Variants in LTBP1 observed in about 807,000 individuals in gnomAD.
LTBP1 encodes the protein latent-transforming growth factor beta-binding protein 1.
LTBP1 carries 129 observed loss-of-function variants against 207.6 expected under a neutral mutation model. The ratio of observed to expected loss-of-function variants is 0.62; its 90% confidence interval spans 0.54 to 0.72. LTBP1 has a LOEUF of 0.72. LTBP1 is among the 30% of genes least tolerant of loss of function. LTBP1 has a pLI of 0.00. For missense variants in LTBP1, 2,281 were observed against 2,217.2 expected (o/e 1.03, Z -0.58); for synonymous variants, 963 against 833.7 (o/e 1.16, Z -2.67).
chr2:33,181,918 A>T (rs990186855), intron 5 of LTBP1, among the ~76,000 whole-genome samples: 10 of 152,142 alleles, frequency 6.6e-5, no homozygotes, highest in Admixed American at 2.0e-4. Flanking sequence ...TGAATCCTAA[A>T]GTTTGTAGGT....
At chr2:33,061,536 A>G (rs1255915189) in intron 3 of LTBP1, 1 of 152,158 alleles carries the variant, frequency 6.6e-6, no homozygotes, top group East Asian at 1.9e-4. Flanking sequence ...TCACTATTCT[A>G]GAAACTTCAT....
rs147247787 is a variant in LTBP1 at position 33,204,384 on chromosome 2, A to C, written c.1702-13168A>C. ...ATTTGCCACCGTTGAGAATATTTAA[A>C]GTATGTCTCTAGCCTTGAAGAACAT... On this transcript the variant is annotated intron_variant, in intron 7 of 33. Coordinates refer to ENST00000404816, the MANE Select transcript of LTBP1 (RefSeq NM_206943.4). Among the ~76,000 whole-genome samples, 583 of 152,356 alleles carry C rather than the reference A, an allele frequency of 3.8e-3. 4 individuals are homozygous for C. The highest frequency in any genetic ancestry group is 0.014 in the African/African-American group (575 of 41,592).
chr2:33,273,157 G>C (rs548610315), intron 15 of LTBP1, among the ~76,000 whole-genome samples: 56 of 152,092 alleles, frequency 3.7e-4, no homozygotes, highest in Non-Finnish European at 7.5e-4. Context: ...GGTCTTTGGG[G>C]GGATTAATGA....
At chr2:33,232,236 G>A (rs1439951612) in intron 9 of LTBP1, among the ~76,000 whole-genome samples, 2 of 152,262 alleles carry the variant, frequency 1.3e-5, no homozygotes. Context: ...GGGGATTCTG[G>A]CTAAACTAAC....
At chr2:33,021,703 A>G (rs1294713509) in intron 3 of LTBP1, among the ~76,000 whole-genome samples, 1 of 152,162 alleles carries the variant, frequency 6.6e-6, no homozygotes, top group East Asian at 1.9e-4. Flanking sequence ...GGTTAAGTGT[A>G]CCTTCTGTTA....
intron 2 of LTBP1, among the ~76,000 whole-genome samples, chr2:32,952,863 A>G (rs1400247933): frequency 2.0e-5 from 3 of 152,164 alleles, no homozygotes; most frequent in Admixed American, 2.0e-4. Flanking sequence ...GGGAAGAGAG[A>G]TGATGGCAGA....
intron 2 of LTBP1, among the ~76,000 whole-genome samples, chr2:33,019,849 C>T (rs757087264): frequency 3.3e-5 from 5 of 150,736 alleles, no homozygotes; most frequent in Non-Finnish European, 4.4e-5. Flanking sequence ...ACTACAGGTG[C>T]GTGCCACCAT....
At chr2:33,227,420 A>G (rs2091502212) in intron 9 of LTBP1, among the ~76,000 whole-genome samples, 1 of 152,202 alleles carries the variant, frequency 6.6e-6, no homozygotes, top group Non-Finnish European at 1.5e-5. Context: ...GCAATCAGGA[A>G]TTTGACAGTT....
intron 2 of LTBP1, among the ~76,000 whole-genome samples, chr2:33,014,501 G>C (rs899804445): frequency 2.0e-5 from 3 of 152,204 alleles, no homozygotes; most frequent in African/African-American, 7.2e-5. Context: ...TGCTGTCTCT[G>C]ATCACAGAAG....
At chr2:33,189,669 G>A (rs530952638) in intron 7 of LTBP1, among the ~76,000 whole-genome samples, 1 of 152,278 alleles carries the variant, frequency 6.6e-6, no homozygotes, top group African/African-American at 2.4e-5. Context: ...TGAATTCATT[G>A]TGCAATAATA....
chr2:33,121,692 T>A (rs905839422), intron 4 of LTBP1, among the ~76,000 whole-genome samples: 1 of 152,174 alleles, frequency 6.6e-6, no homozygotes. Context: ...TACGGCGTAA[T>A]CCTCCCCCAA....
intron 5 of LTBP1, among the ~76,000 whole-genome samples, chr2:33,168,367 C>G (rs1408933313): frequency 7.1e-5 from 6 of 85,102 alleles, no homozygotes; most frequent in African/African-American, 2.8e-4. Flanking sequence ...GCCTGAGGGA[C>G]AAAGTGACAA....
Position 33,001,101 on chromosome 2 carries a change from C to A in LTBP1, c.566-19808C>A, listed in dbSNP as rs1207343935. On this transcript the variant is annotated intron_variant, in intron 2 of 33. Coordinates refer to ENST00000404816, the MANE Select transcript of LTBP1 (RefSeq NM_206943.4). The stretch of plus-strand genomic sequence containing the variant: ...CTTTAGTCCCTGAGCTGCCTCATAC[C>A]TGGCCCATGATGCTAACTATCCACA... 3.0e-5 allele frequency among the ~76,000 whole-genome samples: 4 copies of A among 134,744 alleles called. 2 individuals are homozygous for A. Among genetic ancestry groups the A allele is most frequent in the Non-Finnish European group, 3.3e-5 (2 of 61,298 alleles). 88.4% of individuals were successfully genotyped at this position (134,744 alleles called of 152,430 possible). A position where few individuals can be genotyped will look rare whatever the true frequency, so the allele number is the denominator to read the frequency against.
intron 26 of LTBP1, among the ~76,000 whole-genome samples, chr2:33,353,488 C>A (rs1400511351): frequency 2.6e-5 from 4 of 152,226 alleles, no homozygotes; most frequent in Non-Finnish European, 5.9e-5. Context: ...AGCACGGCGC[C>A]TGATGGATGG....
At chr2:32,950,355 G>C (rs1324271325) in intron 2 of LTBP1, among the ~76,000 whole-genome samples, 1 of 152,034 alleles carries the variant, frequency 6.6e-6, no homozygotes, top group African/African-American at 2.4e-5. Context: ...CCAGGAGTTC[G>C]AGACCAGCCT....
At position 32,947,663 on chromosome 2, in the gene LTBP1, C is replaced by G. The variant is rs1190144025; in HGVS notation, c.339C>G (p.Val113=). ...CGCCGGAGCCTGCGCGTCCCGCGGT[C>G]CCCGGCGGGCAGCTCCACCCCAATC... ...PPPPEPARPA[V]PGGQLHPNPG... Residue 113 remains valine (V), a synonymous_variant, in exon 1 of 34, where the codon GTC becomes GTG. Coordinates refer to ENST00000404816, the MANE Select transcript of LTBP1 (RefSeq NM_206943.4). The G allele has an allele frequency of 7.0e-7, 1 of 1,430,434 alleles. No individual in the cohort carries two copies. 88.6% of individuals were successfully genotyped at this position (1,430,434 alleles called of 1,614,324 possible).
At chr2:32,967,554 C>G (rs2148521308) in intron 2 of LTBP1, among the ~76,000 whole-genome samples, 1 of 152,202 alleles carries the variant, frequency 6.6e-6, no homozygotes, top group Non-Finnish European at 1.5e-5. Flanking sequence ...TTTAAAATTT[C>G]TCTTGAGATT....
chr2:33,021,221 C>G lies in LTBP1; in HGVS notation c.863+15C>G, dbSNP rs2075150709. 6.4e-7 allele frequency: 1 copy of G among 1,567,976 alleles called. No individual in the cohort carries two copies. Among genetic ancestry groups the G allele is most frequent in the African/African-American group, 1.3e-5 (1 of 74,190 alleles). Reference sequence around the variant, plus strand: ...ATACATTCTCAGTGAGTGTTTCGAACTTTCATTTAGCTAAGGATCATCTTA... The same window carrying G: ...ATACATTCTCAGTGAGTGTTTCGAAGTTTCATTTAGCTAAGGATCATCTTA... On this transcript the variant is annotated intron_variant, in intron 3 of 33. Transcript: ENST00000404816.
chr2:33,048,317 C>A (rs1331688506), intron 3 of LTBP1, among the ~76,000 whole-genome samples: 1 of 152,182 alleles, frequency 6.6e-6, no homozygotes, highest in African/African-American at 2.4e-5. Context: ...ACATCCAGAA[C>A]CTTCAGAGGA....
Sources: allele counts gnomAD v4.1 joint callset (sites outside exome capture counted in the v4.1 genomes callset), GRCh38; gene constraint gnomAD v4.1.1; transcripts MANE v1.5; gene names NCBI Gene and HGNC (gene_info 2026-07-23, HGNC 2026-07-21).